CFAP70: variants seen among roughly 807,000 people sequenced by gnomAD.
CFAP70 encodes cilia and flagella associated protein 70, also known as cilia- and flagella-associated protein 70.
A neutral mutation model predicts 137.6 loss-of-function variants in CFAP70; 81 were observed. That is an observed-to-expected ratio of 0.59 (90% CI 0.49 to 0.71). CFAP70 has a LOEUF of 0.71. CFAP70 is among the 30% of genes least tolerant of loss of function. The pLI, the probability that CFAP70 is intolerant of heterozygous loss-of-function variation, is 0.00. For synonymous variants in CFAP70, 382 were observed against 423.6 expected (o/e 0.90, Z 1.20); for missense variants, 976 against 1,226.7 (o/e 0.80, Z 3.05).
At chr10:73,261,564 G>C (rs2045194939) in intron 25 of CFAP70, among the ~76,000 whole-genome samples, 1 of 152,130 alleles carries the variant, frequency 6.6e-6, no homozygotes, top group African/African-American at 2.4e-5. Context: ...ACTACCAGGA[G>C]AACAGTGCAG....
intron 25 of CFAP70, among the ~76,000 whole-genome samples, chr10:73,257,650 T>G (rs1400757815): frequency 6.6e-6 from 1 of 152,190 alleles, no homozygotes; most frequent in Non-Finnish European, 1.5e-5. Context: ...ATCTACACTT[T>G]GAAATGTTCC....
chr10:73,318,671 G>A (rs1434043595), intron 9 of CFAP70, among the ~76,000 whole-genome samples: 1 of 152,198 alleles, frequency 6.6e-6, no homozygotes, highest in Non-Finnish European at 1.5e-5. Flanking sequence ...CATCCAGCTA[G>A]TAAATGGCAG....
chr10:73,279,585 G>T (rs760247996), intron 19 of CFAP70, among the ~76,000 whole-genome samples: 1 of 151,066 alleles, frequency 6.6e-6, no homozygotes, highest in South Asian at 2.1e-4. Context: ...GAAGTTGGGC[G>T]AGGTGACTCA....
intron 9 of CFAP70, among the ~76,000 whole-genome samples, chr10:73,319,244 G>A (rs774529265): frequency 8.6e-5 from 13 of 151,986 alleles, no homozygotes; most frequent in Admixed American, 2.6e-4. Context: ...AGGATCAGCC[G>A]GCACTCAGAT....
Position 73,275,260 on chromosome 10 carries a change from T to G in CFAP70, c.2673+186A>C. On this transcript the variant is annotated intron_variant, in intron 22 of 26. Transcript: ENST00000310715. The surrounding 1 kb of genome is among the most constrained non-coding windows in gnomAD (Gnocchi z 4.0). ...TCCCAAAGTGCTGCGATTACAGTTGTGAGCCACCGCGCCCAGCCAACTCAT... is the reference window on the plus strand; with the variant it reads ...TCCCAAAGTGCTGCGATTACAGTTGGGAGCCACCGCGCCCAGCCAACTCAT... 2.2e-6 allele frequency: 1 copy of G among 463,514 alleles called. No individual in the cohort carries two copies. The highest frequency in any genetic ancestry group is 3.5e-6 in the Non-Finnish European group (1 of 289,424). The allele number at this position is 463,514 out of a possible 1,614,324, so 28.7% of individuals were successfully genotyped here. A position where few individuals can be genotyped will look rare whatever the true frequency, so the allele number is the denominator to read the frequency against.
At chr10:73,338,917 C>T (rs997737315) in intron 6 of CFAP70, among the ~76,000 whole-genome samples, 1 of 149,502 alleles carries the variant, frequency 6.7e-6, no homozygotes, top group African/African-American at 2.5e-5. Flanking sequence ...CAAGGGATCA[C>T]TATACTTTTT....
At chr10:73,257,281 A>T (rs2044618375) in intron 25 of CFAP70, among the ~76,000 whole-genome samples, 1 of 152,160 alleles carries the variant, frequency 6.6e-6, no homozygotes, top group Non-Finnish European at 1.5e-5. Context: ...TAACTACTAC[A>T]TTACTCTGTC....
intron 9 of CFAP70, among the ~76,000 whole-genome samples, chr10:73,316,349 AT>A (rs1233580552): frequency 6.7e-6 from 1 of 149,618 alleles, no homozygotes; most frequent in African/African-American, 2.5e-5. Context: ...TTAGATTTTT[AT>A]TTTCCATGCT....
At chr10:73,336,214 T>G (rs1475070869) in intron 6 of CFAP70, among the ~76,000 whole-genome samples, 1 of 152,136 alleles carries the variant, frequency 6.6e-6, no homozygotes, top group Non-Finnish European at 1.5e-5. Context: ...TTACCTGGGT[T>G]AAGACTTGGC....
intron 4 of CFAP70, 54 bp downstream of exon 4, chr10:73,348,369 G>A (rs752888706): frequency 6.4e-7 from 1 of 1,563,402 alleles, no homozygotes; most frequent in South Asian, 1.1e-5. Context: ...TCTCTCTGGG[G>A]CTAAGTTTTA....
chr10:73,255,170 G>A (rs138425014), intron 26 of CFAP70, among the ~76,000 whole-genome samples: 12 of 152,192 alleles, frequency 7.9e-5, no homozygotes, highest in Admixed American at 3.3e-4. Flanking sequence ...AGGCCGAGGC[G>A]GGGGGATCAC....
intron 4 of CFAP70, chr10:73,347,004 T>G (rs760756008): frequency 2.6e-5 from 4 of 152,242 alleles, no homozygotes; most frequent in African/African-American, 9.6e-5. Flanking sequence ...AATTCTTTGT[T>G]CTATTCTTTC....
intron 25 of CFAP70, among the ~76,000 whole-genome samples, chr10:73,257,067 T>C (rs1480767800): frequency 6.6e-6 from 1 of 152,158 alleles, no homozygotes; most frequent in Non-Finnish European, 1.5e-5. Context: ...CTCCGTACTA[T>C]GTGATTTACA....
intron 9 of CFAP70, among the ~76,000 whole-genome samples, chr10:73,320,749 C>A (rs2050780493): frequency 6.6e-6 from 1 of 151,636 alleles, no homozygotes; most frequent in African/African-American, 2.4e-5. Flanking sequence ...CTCACTGAAA[C>A]CTCTGCTTCC....
At chr10:73,271,692 CTATT>C (rs570610055) in intron 24 of CFAP70, among the ~76,000 whole-genome samples, 186 of 152,144 alleles carry the variant, frequency 1.2e-3, no homozygotes, top group African/African-American at 4.4e-3. Flanking sequence ...TATTTTGTAT[CTATT>C]TGTCTATTTA....
At chr10:73,299,508 C>G in intron 13 of CFAP70, 97 bp downstream of exon 14, 2 of 1,001,952 alleles carry the variant, frequency 2.0e-6, no homozygotes, top group Non-Finnish European at 3.1e-6. Flanking sequence ...CAAGTTTTCA[C>G]CCCTTCTGGA....
chr10:73,354,619 T>A (rs1467945159), intron 2 of CFAP70, 115 bp downstream of exon 2: 20 of 773,550 alleles, frequency 2.6e-5, no homozygotes, highest in African/African-American at 1.7e-5. Flanking sequence ...TGAGGCGGAA[T>A]GCCACTGCTA....
At chr10:73,353,721 G>C (rs1316474910) in exon 3 of CFAP70, 1 of 1,614,118 alleles carries the variant, frequency 6.2e-7, no homozygotes, top group Non-Finnish European at 8.5e-7. Flanking sequence ...AAGGTAACTG[G>C]AGTATCTCCT....
At chr10:73,355,735 A>G (rs1240474014) in intron 1 of CFAP70, among the ~76,000 whole-genome samples, 2 of 152,190 alleles carry the variant, frequency 1.3e-5, no homozygotes, top group Non-Finnish European at 2.9e-5. Context: ...CTGAGATCAC[A>G]CCACTGAACT....
Sources: allele counts gnomAD v4.1 joint callset (sites outside exome capture counted in the v4.1 genomes callset), GRCh38; gene constraint gnomAD v4.1.1; non-coding constraint Gnocchi (gnomAD v3.1); transcripts MANE v1.5; gene names NCBI Gene and HGNC (gene_info 2026-07-23, HGNC 2026-07-21).